PSMD12: variants seen among roughly 807,000 people sequenced by gnomAD.
PSMD12 encodes proteasome 26S subunit, non-ATPase 12.
Under a neutral mutation model 62.9 loss-of-function variants are expected in PSMD12, and 8 were observed. That is an observed-to-expected ratio of 0.13 (90% CI 0.07 to 0.23). PSMD12 has a LOEUF of 0.23. Among genes scored for constraint, PSMD12 ranks in the 10% least tolerant of loss-of-function variants. The pLI is 1.00. For synonymous variants in PSMD12, 173 were observed against 187.4 expected (o/e 0.92, Z 0.63); for missense variants, 424 against 550.2 (o/e 0.77, Z 2.29).
intron 2 of PSMD12, 22 bp from the exon 3 acceptor site, chr17:67,357,453 G>T (rs752530278): frequency 6.2e-7 from 1 of 1,613,190 alleles, no homozygotes; most frequent in African/African-American, 1.3e-5. Context: ...AAAATATATT[G>T]AAAGTTAATG....
At chr17:67,343,865 G>A (rs560018663) in intron 9 of PSMD12, among the ~76,000 whole-genome samples, 15 of 152,106 alleles carry the variant, frequency 9.9e-5, no homozygotes, top group Non-Finnish European at 1.5e-4. Context: ...CACCACGCCC[G>A]GCTAATTTTT....
At chr17:67,348,747 T>C in intron 4 of PSMD12, 93 bp from the exon 5 acceptor site, 1 of 1,078,818 alleles carries the variant, frequency 9.3e-7, no homozygotes, top group South Asian at 1.4e-5. Context: ...CCTGTAATCC[T>C]GACATTTTGG....
intron 3 of PSMD12, among the ~76,000 whole-genome samples, chr17:67,350,956 C>T (rs533108106): frequency 5.3e-5 from 8 of 152,328 alleles, no homozygotes; most frequent in African/African-American, 1.7e-4. Flanking sequence ...CTATTCAACT[C>T]TGCCTCCTTA....
rs1328677196 is a variant in PSMD12, at chr17:67,347,085, A to C, written c.795+31T>G. 4 of 1,558,188 alleles carry C rather than the reference A, an allele frequency of 2.6e-6. No homozygotes were observed. The African/African-American group carries it at 5.5e-5, about 22-fold the overall frequency. Reference sequence around the variant, plus strand: ...AAGCAAATTACTCTTCTGAATAAGAAGCCATGTCAATTACACGAATATATT... The same window carrying C: ...AAGCAAATTACTCTTCTGAATAAGACGCCATGTCAATTACACGAATATATT... On this transcript the variant is annotated intron_variant, in intron 7 of 10. Transcript: ENST00000356126.
chr17:67,341,976 A>G (rs781632284), intron 10 of PSMD12, among the ~76,000 whole-genome samples: 2 of 152,256 alleles, frequency 1.3e-5, no homozygotes, highest in African/African-American at 2.4e-5. Flanking sequence ...GTCAACATAG[A>G]AACATGGACC....
In PSMD12 at chr17:67,347,246, A is replaced by G. The variant is rs773265084; in HGVS notation, c.665T>C (p.Leu222Ser). Residue 222 changes from leucine (L) to serine (S), a missense_variant, in exon 7 of 11, where the codon TTA becomes TCA. Coordinates refer to ENST00000356126, the MANE Select transcript of PSMD12 (RefSeq NM_002816.5). ...CATTAAATTATAGTACTTCAACTTTAATTTCTGCAAAAAAGTTGACAAAAC... is the reference window on the plus strand; with the variant it reads ...CATTAAATTATAGTACTTCAACTTTGATTTCTGCAAAAAAGTTGACAAAAC... ...KFFQEENTEK[L>S]KLKYYNLMIQ... 1.2e-6 allele frequency: 2 copies of G among 1,612,862 alleles called. No homozygotes were observed. The highest frequency in any genetic ancestry group is 2.7e-5 in the African/African-American group (2 of 74,850).
At chr17:67,357,612 A>G in intron 1 of PSMD12, 34 bp from the exon 2 acceptor site, 1 of 1,588,352 alleles carries the variant, frequency 6.3e-7, no homozygotes, top group Non-Finnish European at 8.6e-7. Context: ...CAATAAAAAA[A>G]CACACAAAAT....
intron 3 of PSMD12, among the ~76,000 whole-genome samples, chr17:67,354,403 CAAA>C (rs879834619): frequency 8.3e-6 from 1 of 120,544 alleles, no homozygotes; most frequent in Admixed American, 8.5e-5. Context: ...GAGACTGTTT[CAAA>C]AAAAAAAAAA....
intron 7 of PSMD12, among the ~76,000 whole-genome samples, 180 bp downstream of exon 7, chr17:67,346,934 TGA>T (rs1455571615): frequency 1.3e-5 from 2 of 152,190 alleles, no homozygotes; most frequent in African/African-American, 4.8e-5. Context: ...TCTCCAAAAG[TGA>T]GACATAATCT....
At chr17:67,361,363 C>T (rs1257231960) in intron 1 of PSMD12, 2 of 152,212 alleles carry the variant, frequency 1.3e-5, no homozygotes, top group Non-Finnish European at 2.9e-5. Context: ...GGGCAGATCA[C>T]TTGAGGTCAG....
At chr17:67,357,107 T>C in intron 3 of PSMD12, 196 bp downstream of exon 3, 4 of 544,098 alleles carry the variant, frequency 7.4e-6, no homozygotes, top group Non-Finnish European at 1.2e-5. Flanking sequence ...TTTAAAAATA[T>C]GCAAACATAT....
intron 10 of PSMD12, among the ~76,000 whole-genome samples, chr17:67,341,424 C>T (rs766437996): frequency 8.1e-5 from 11 of 136,172 alleles, no homozygotes; most frequent in Non-Finnish European, 1.4e-4. Context: ...GAGCTGAGAT[C>T]GCACCAATGC....
intron 3 of PSMD12, 167 bp downstream of exon 3, chr17:67,357,136 C>A (rs1010863746): frequency 2.9e-6 from 2 of 694,076 alleles, no homozygotes; most frequent in Non-Finnish European, 2.2e-6. Context: ...GAAGAAAAAA[C>A]AGAAAACAGT....
intron 10 of PSMD12, 65 bp downstream of exon 10, chr17:67,342,121 C>T: frequency 8.5e-7 from 1 of 1,173,750 alleles, no homozygotes; most frequent in South Asian, 1.3e-5. Context: ...TTTTCTTACT[C>T]AATTTTTACA....
intron 3 of PSMD12, 140 bp downstream of exon 3, chr17:67,357,163 T>C (rs1308667141): frequency 2.3e-6 from 2 of 873,374 alleles, no homozygotes; most frequent in East Asian, 2.8e-5. Flanking sequence ...ATTGTGAGAA[T>C]GTAGACTGAA....
At position 67,359,790 on chromosome 17, in the gene PSMD12, A is replaced by G. The variant is rs112001817; in HGVS notation, c.109-2212T>C. 3.3e-5 allele frequency among the ~76,000 whole-genome samples: 5 copies of G among 152,302 alleles called. 1 individual carries two copies. Among genetic ancestry groups the G allele is most frequent in the African/African-American group, 1.2e-4 (5 of 41,582 alleles). On this transcript the variant is annotated intron_variant, in intron 1 of 10. Transcript: ENST00000356126. Reference sequence around the variant, plus strand: ...GTTCTCCTTTCTCTGAAAGTTCTATAGATTTATATATATAATAAATACTGG... The same window carrying G: ...GTTCTCCTTTCTCTGAAAGTTCTATGGATTTATATATATAATAAATACTGG...
chr17:67,358,296 A>C (rs1003432352), intron 1 of PSMD12, among the ~76,000 whole-genome samples: 5 of 152,090 alleles, frequency 3.3e-5, no homozygotes, highest in Admixed American at 1.3e-4. Context: ...GGCCAGGTGC[A>C]GTGGCTCATG....
chr17:67,346,300 C>T (rs2041965521), intron 7 of PSMD12, among the ~76,000 whole-genome samples: 1 of 151,288 alleles, frequency 6.6e-6, no homozygotes, highest in Admixed American at 6.6e-5. Flanking sequence ...GAGGCTGAGG[C>T]AGGAGAATGG....
Position 67,338,171 on chromosome 17 carries a change from G to T in PSMD12, c.*2672C>A, listed in dbSNP as rs1381999880. The T allele has an allele frequency of 6.6e-6, 1 of 152,138 alleles. No homozygotes were observed. The highest frequency in any genetic ancestry group is 1.5e-5 in the Non-Finnish European group (1 of 68,018). 9.4% of individuals were successfully genotyped at this position (152,138 alleles called of 1,614,324 possible). A position where few individuals can be genotyped will look rare whatever the true frequency, so the allele number is the denominator to read the frequency against. ...TAAAAAAATTATATGGAAATAAAAG[G>T]TATTTCATTTGAAAAATGGCTCATC... On this transcript the variant is annotated 3_prime_UTR_variant, in exon 11 of 11. Transcript: ENST00000356126.
Sources: gnomAD v4.1 joint callset for allele counts (sites outside exome capture counted in the v4.1 genomes callset) on GRCh38, gnomAD v4.1.1 for gene constraint, MANE v1.5 for transcripts, NCBI Gene and HGNC (gene_info 2026-07-23, HGNC 2026-07-21) for gene names.